PLD5: variants seen among roughly 807,000 people sequenced by gnomAD.
PLD5 encodes the protein phospholipase D family member 5, also known as inactive phospholipase D5.
A neutral mutation model predicts 61.1 loss-of-function variants in PLD5; 36 were observed. The ratio of observed to expected loss-of-function variants is 0.59; its 90% confidence interval spans 0.45 to 0.78. The LOEUF (loss-of-function observed/expected upper bound fraction) is 0.78. Ranked by LOEUF, PLD5 falls within the 30% of genes least tolerant of loss-of-function variation. The pLI is 0.00. For synonymous variants in PLD5, 243 were observed against 242.8 expected, an observed-to-expected ratio of 1.00 and a Z score of -0.01; for missense variants, 515 against 644.4, an observed-to-expected ratio of 0.80 and a Z score of 2.17.
chr1:242,483,811 A>G (rs1221673248), intron 1 of PLD5, among the ~76,000 whole-genome samples: 1 of 152,212 alleles, frequency 6.6e-6, no homozygotes, highest in Non-Finnish European at 1.5e-5. Flanking sequence ...AGGTGGAAGT[A>G]AAGCACTCCT....
chr1:242,364,055 G>T (rs1218734879), intron 1 of PLD5, among the ~76,000 whole-genome samples: 1 of 151,966 alleles, frequency 6.6e-6, no homozygotes, highest in Non-Finnish European at 1.5e-5. Flanking sequence ...ATGTAATAGA[G>T]TAATTTTACA....
intron 5 of PLD5, among the ~76,000 whole-genome samples, chr1:242,190,662 G>A (rs944507621): frequency 2.6e-5 from 4 of 151,776 alleles, no homozygotes; most frequent in Non-Finnish European, 5.9e-5. Context: ...TAGGGGGATC[G>A]CTTGAGCCCA....
At chr1:242,175,626 GC>G (rs1375340596) in intron 5 of PLD5, among the ~76,000 whole-genome samples, 10 of 152,154 alleles carry the variant, frequency 6.6e-5, no homozygotes, top group African/African-American at 1.2e-4. Flanking sequence ...AAGAAATAAA[GC>G]GTATTCAAAT....
intron 2 of PLD5, among the ~76,000 whole-genome samples, chr1:242,319,778 T>G (rs1251116904): frequency 6.6e-6 from 1 of 152,230 alleles, no homozygotes; most frequent in African/African-American, 2.4e-5. Context: ...CTGTTAATTT[T>G]AGGTTATGTA....
At chr1:242,418,301 C>G (rs773359791) in intron 1 of PLD5, among the ~76,000 whole-genome samples, 1 of 152,022 alleles carries the variant, frequency 6.6e-6, no homozygotes, top group Non-Finnish European at 1.5e-5. Flanking sequence ...AGGGGAAGGT[C>G]AGGAGTTTTG....
chr1:242,100,343 C>T (rs1381619061), intron 9 of PLD5, among the ~76,000 whole-genome samples: 1 of 152,192 alleles, frequency 6.6e-6, no homozygotes, highest in Non-Finnish European at 1.5e-5. Context: ...GATGACACTG[C>T]TCTTTCCTGT....
At chr1:242,466,623 C>T (rs376691297) in intron 1 of PLD5, among the ~76,000 whole-genome samples, 2 of 152,038 alleles carry the variant, frequency 1.3e-5, no homozygotes, top group East Asian at 1.9e-4. Context: ...CTGGGCGCGG[C>T]GGCTCACACC....
chr1:242,407,987 T>A (rs1430539459), intron 1 of PLD5, among the ~76,000 whole-genome samples: 1 of 152,222 alleles, frequency 6.6e-6, no homozygotes, highest in African/African-American at 2.4e-5. Flanking sequence ...ACGTAGCTAT[T>A]AATATTTTTT....
At chr1:242,494,112 TCCCC>T (rs1668280385) in intron 1 of PLD5, among the ~76,000 whole-genome samples, 2 of 86,706 alleles carry the variant, frequency 2.3e-5, no homozygotes, top group African/African-American at 9.5e-5. Flanking sequence ...TCCCCTCTCC[TCCCC>T]TCTCCTCCCC....
At chr1:242,367,407 T>TG (rs1334794283) in intron 1 of PLD5, among the ~76,000 whole-genome samples, 3 of 152,172 alleles carry the variant, frequency 2.0e-5, no homozygotes, top group Admixed American at 6.6e-5. Context: ...ATGGAGCTGA[T>TG]GGGCCAGTCA....
intron 3 of PLD5, among the ~76,000 whole-genome samples, chr1:242,274,555 C>A (rs1236733290): frequency 6.6e-6 from 1 of 152,046 alleles, no homozygotes; most frequent in Non-Finnish European, 1.5e-5. Context: ...GAGATCGAGA[C>A]CATCCTGGCT....
At chr1:242,194,902 AAG>A (rs1668538455) in intron 5 of PLD5, among the ~76,000 whole-genome samples, 1 of 152,146 alleles carries the variant, frequency 6.6e-6, no homozygotes, top group South Asian at 2.1e-4. Flanking sequence ...GGTAAGGGAT[AAG>A]AGACTACAAA....
chr1:242,411,520 C>T (rs1230939390), intron 1 of PLD5, among the ~76,000 whole-genome samples: 1 of 152,196 alleles, frequency 6.6e-6, no homozygotes, highest in Non-Finnish European at 1.5e-5. Context: ...CAGGCATGAG[C>T]CACCACACCT....
chr1:242,268,090 C>G (rs1434072103), intron 3 of PLD5, among the ~76,000 whole-genome samples: 1 of 152,066 alleles, frequency 6.6e-6, no homozygotes, highest in African/African-American at 2.4e-5. Flanking sequence ...GGAGAATCCA[C>G]GTCAAGGGGC....
intron 5 of PLD5, among the ~76,000 whole-genome samples, chr1:242,131,486 A>G (rs989713360): frequency 6.6e-6 from 1 of 152,204 alleles, no homozygotes; most frequent in Non-Finnish European, 1.5e-5. Flanking sequence ...AATTAATTAT[A>G]GTGCTCGCTG....
intron 5 of PLD5, among the ~76,000 whole-genome samples, chr1:242,164,083 T>A (rs1666115347): frequency 6.6e-6 from 1 of 151,756 alleles, no homozygotes; most frequent in Admixed American, 6.6e-5. Context: ...TCTGTGAAAG[T>A]CATTATCGTT....
intron 9 of PLD5, among the ~76,000 whole-genome samples, chr1:242,097,058 G>A (rs1445663961): frequency 1.3e-5 from 2 of 152,120 alleles, no homozygotes; most frequent in Non-Finnish European, 1.5e-5. Context: ...CTTCATCCAT[G>A]TCCCTACAAA....
chr1:242,392,404 T>G (rs932799719), intron 1 of PLD5, among the ~76,000 whole-genome samples: 1 of 152,166 alleles, frequency 6.6e-6, no homozygotes, highest in Non-Finnish European at 1.5e-5. Flanking sequence ...ACCCTGAATC[T>G]AAAATAAAAG....
At chr1:242,123,645 C>T (rs1051105239) in intron 6 of PLD5, among the ~76,000 whole-genome samples, 1 of 152,224 alleles carries the variant, frequency 6.6e-6, no homozygotes, top group African/African-American at 2.4e-5. Flanking sequence ...GGAGAACGTG[C>T]AAACTCCACA....
Sources: gnomAD v4.1 joint callset for allele counts (sites outside exome capture counted in the v4.1 genomes callset) on GRCh38, gnomAD v4.1.1 for gene constraint, MANE v1.5 for transcripts, NCBI Gene and HGNC (gene_info 2026-07-23, HGNC 2026-07-21) for gene names.